Variants in CLSTN2 observed in about 807,000 individuals in gnomAD.
CLSTN2 encodes calsyntenin-2.
In CLSTN2, 48 loss-of-function variants were observed where a neutral mutation model predicts 101.2. That is an observed-to-expected ratio of 0.47 (90% CI 0.38 to 0.60). The LOEUF (loss-of-function observed/expected upper bound fraction) is 0.60, where lower values mean the gene tolerates loss of function less well. Among genes scored for constraint, CLSTN2 ranks in the 20% least tolerant of loss-of-function variants. The probability of loss-of-function intolerance (pLI) is 0.00; values close to 1 mark genes in which losing one functional copy is unlikely to be tolerated. For missense variants in CLSTN2, 1,160 were observed against 1,238.2 expected (o/e 0.94, Z 0.95); for synonymous variants, 481 against 463.6 (o/e 1.04, Z -0.48).
chr3:140,083,557 C>T (rs566333884), intron 1 of CLSTN2, among the ~76,000 whole-genome samples: 3 of 152,320 alleles, frequency 2.0e-5, no homozygotes, highest in East Asian at 3.9e-4. Flanking sequence ...CTGTCTTTTC[C>T]TCTCCAAACT....
At position 140,421,115 on chromosome 3, in the gene CLSTN2, T is replaced by C; in HGVS notation, c.638-10T>C. ...GACCTGAAATGCTTTTGAACATCTCTGTTCCTCAGGCAACATCAGGAACAC... is the reference window on the plus strand; with the variant it reads ...GACCTGAAATGCTTTTGAACATCTCCGTTCCTCAGGCAACATCAGGAACAC... On this transcript the variant is annotated splice_polypyrimidine_tract_variant and intron_variant, in intron 4 of 16. Coordinates refer to ENST00000458420, the MANE Select transcript of CLSTN2 (RefSeq NM_022131.3). 6.2e-7 allele frequency: 1 copy of C among 1,613,102 alleles called. No individual in the cohort carries two copies. Among genetic ancestry groups the C allele is most frequent in the Non-Finnish European group, 8.5e-7 (1 of 1,179,696 alleles).
chr3:140,532,227 C>A, intron 8 of CLSTN2, 97 bp from the exon 9 acceptor site: 2 of 993,250 alleles, frequency 2.0e-6, no homozygotes, highest in Non-Finnish European at 2.9e-6. Context: ...AAATTGTTGA[C>A]CCAAAAATGT....
chr3:140,416,377 A>G (rs571856790), intron 4 of CLSTN2, among the ~76,000 whole-genome samples: 1 of 152,266 alleles, frequency 6.6e-6, no homozygotes, highest in East Asian at 1.9e-4. Context: ...ACACACACAC[A>G]AACACACACA....
intron 1 of CLSTN2, among the ~76,000 whole-genome samples, chr3:140,008,469 C>T (rs1010060820): frequency 7.9e-5 from 12 of 152,208 alleles, no homozygotes; most frequent in African/African-American, 2.9e-4. Context: ...TGAGACAAGC[C>T]CAAGAAAGCA....
At chr3:140,390,851 A>G (rs938855244) in intron 2 of CLSTN2, among the ~76,000 whole-genome samples, 2 of 152,188 alleles carry the variant, frequency 1.3e-5, no homozygotes, top group Non-Finnish European at 2.9e-5. Flanking sequence ...TTGGCTCTTC[A>G]CATGTCAAGT....
intron 2 of CLSTN2, among the ~76,000 whole-genome samples, chr3:140,274,817 G>C (rs183263530): frequency 6.6e-6 from 1 of 152,332 alleles, no homozygotes; most frequent in Admixed American, 6.5e-5. Context: ...TCACAAAGCA[G>C]AGAGCAAGCG....
chr3:140,025,275 A>G (rs1013391185), intron 1 of CLSTN2, among the ~76,000 whole-genome samples: 3 of 152,200 alleles, frequency 2.0e-5, no homozygotes, highest in African/African-American at 7.2e-5. Flanking sequence ...AGATGTGTAC[A>G]TCTAGTGGCA....
chr3:140,539,125 TAGA>T (rs1405386069), intron 9 of CLSTN2, among the ~76,000 whole-genome samples: 2 of 150,648 alleles, frequency 1.3e-5, no homozygotes, highest in African/African-American at 5.0e-5. Context: ...TCAGGATCTA[TAGA>T]AGGTTAATAA....
intron 1 of CLSTN2, among the ~76,000 whole-genome samples, chr3:140,162,760 T>G (rs2010068947): frequency 6.6e-6 from 1 of 152,172 alleles, no homozygotes; most frequent in African/African-American, 2.4e-5. Flanking sequence ...GTGCTTTCTT[T>G]CTGAAGCATG....
chr3:139,995,479 T>G (rs4450768), intron 1 of CLSTN2, among the ~76,000 whole-genome samples: 1 of 151,952 alleles, frequency 6.6e-6, no homozygotes, highest in Non-Finnish European at 1.5e-5. Flanking sequence ...TCATTAGCAG[T>G]CTTTTCTCCT....
At chr3:140,354,658 T>C (rs535729309) in intron 2 of CLSTN2, among the ~76,000 whole-genome samples, 45 of 152,344 alleles carry the variant, frequency 3.0e-4, no homozygotes, top group African/African-American at 1.0e-3. Context: ...ATGTCTGGAC[T>C]TTAATGGGGG....
intron 2 of CLSTN2, among the ~76,000 whole-genome samples, chr3:140,259,331 A>G (rs4539904): frequency 0.98 from 149,270 of 152,002 alleles, 73,336 homozygotes; most frequent in East Asian, 1. Context: ...AAAATTAGCC[A>G]GGTGTGGTGG....
intron 2 of CLSTN2, among the ~76,000 whole-genome samples, chr3:140,202,491 G>A (rs117195946): frequency 6.6e-6 from 1 of 152,206 alleles, no homozygotes; most frequent in African/African-American, 2.4e-5. Context: ...GGAAGGATGC[G>A]GGTGGAGTAG....
chr3:140,480,177 T>C (rs1323222346), intron 8 of CLSTN2, among the ~76,000 whole-genome samples: 2 of 150,700 alleles, frequency 1.3e-5, no homozygotes, highest in Non-Finnish European at 1.5e-5. Flanking sequence ...TTCCCACCTA[T>C]GGGTGAGAAC....
intron 6 of CLSTN2, among the ~76,000 whole-genome samples, chr3:140,449,033 G>C (rs1351816191): frequency 6.6e-6 from 1 of 152,150 alleles, no homozygotes; most frequent in Non-Finnish European, 1.5e-5. Flanking sequence ...AAAGAAACAC[G>C]AGTTCCTTTC....
intron 2 of CLSTN2, among the ~76,000 whole-genome samples, chr3:140,344,179 C>G (rs1479808915): frequency 1.3e-5 from 2 of 152,196 alleles, no homozygotes; most frequent in Non-Finnish European, 2.9e-5. Flanking sequence ...ATTTACCCCT[C>G]CCATGTGTGT....
intron 2 of CLSTN2, among the ~76,000 whole-genome samples, chr3:140,261,831 G>C (rs2086657120): frequency 1.3e-5 from 2 of 152,128 alleles, no homozygotes; most frequent in Admixed American, 6.5e-5. Flanking sequence ...CTCTCCAACA[G>C]TAGGAGACCT....
At chr3:140,322,004 C>A (rs1444270379) in intron 2 of CLSTN2, among the ~76,000 whole-genome samples, 2 of 152,222 alleles carry the variant, frequency 1.3e-5, no homozygotes, top group Non-Finnish European at 2.9e-5. Context: ...CTGTCACTCT[C>A]TACCACCCTC....
At chr3:140,172,479 A>T (rs2010254557) in intron 1 of CLSTN2, among the ~76,000 whole-genome samples, 1 of 151,410 alleles carries the variant, frequency 6.6e-6, no homozygotes, top group African/African-American at 2.4e-5. Context: ...TGAGGTGAAA[A>T]CTCCTGGCAC....
Sources: allele counts gnomAD v4.1 joint callset (sites outside exome capture counted in the v4.1 genomes callset), GRCh38; gene constraint gnomAD v4.1.1; transcripts MANE v1.5; gene names NCBI Gene and HGNC (gene_info 2026-07-23, HGNC 2026-07-21).